TET3: variants seen among roughly 807,000 people sequenced by gnomAD.
TET3 encodes methylcytosine dioxygenase TET3.
A neutral mutation model predicts 141.4 loss-of-function variants in TET3; 19 were observed. That is an observed-to-expected ratio of 0.13 (90% CI 0.09 to 0.20). The LOEUF (loss-of-function observed/expected upper bound fraction) is 0.20. TET3 is among the 10% of genes least tolerant of loss of function. The pLI is 1.00. For missense variants in TET3, 1,874 were observed against 2,356.9 expected, an observed-to-expected ratio of 0.80 and a Z score of 4.24; for synonymous variants, 1,043 against 980.9, an observed-to-expected ratio of 1.06 and a Z score of -1.18.
chr2:74,102,143 G>A lies in TET3; in HGVS notation c.5355G>A (p.Thr1785=), dbSNP rs770304452. The A allele has an allele frequency of 4.1e-6, 6 of 1,470,964 alleles. No homozygotes were observed. Among genetic ancestry groups the A allele is most frequent in the Admixed American group, 5.2e-5 (2 of 38,380 alleles). The allele number at this position is 1,470,964 out of a possible 1,614,324, so 91.1% of individuals were successfully genotyped here. A position where few individuals can be genotyped will look rare whatever the true frequency, so the allele number is the denominator to read the frequency against. The change falls in exon 12 of 12, where the codon ACG becomes ACA. Residue 1785 remains threonine (T), a synonymous_variant. Transcript: ENST00000409262. ...SAVTVSSYAY[T]KVTGPYSRWI is the part of the protein sequence containing the mutation. ...TCACCGTGTCCTCCTATGCCTACAC[G>A]AAGGTCACTGGCCCCTACAGCCGCT...
chr2:74,049,484 G>GTAAGCTCCA (rs1460136841), intron 4 of TET3, among the ~76,000 whole-genome samples: 4 of 152,168 alleles, frequency 2.6e-5, no homozygotes, highest in Non-Finnish European at 4.4e-5. Context: ...GGAGGCAGTA[G>GTAAGCTCCA]TAAGCTCCAG....
the TET3 span, among the ~76,000 whole-genome samples, chr2:74,126,313 G>A: frequency 0.28 from 42,656 of 151,900 alleles, 6,366 homozygotes; most frequent in East Asian, 0.49. Flanking sequence ...TGCTTCTCAC[G>A]TCTGTAGTTC....
intron 2 of TET3, 106 bp from the exon 3 acceptor site, chr2:74,003,004 C>G (rs561616454): frequency 2.5e-6 from 3 of 1,212,452 alleles, no homozygotes; most frequent in Non-Finnish European, 3.6e-6. Context: ...GTATCCCCTC[C>G]CGTTCGCCTT....
intron 10 of TET3, among the ~76,000 whole-genome samples, chr2:74,097,213 A>C (rs1158541843): frequency 6.7e-6 from 1 of 149,916 alleles, no homozygotes; most frequent in Non-Finnish European, 1.5e-5. Context: ...ACACACACAC[A>C]CACACACACA....
chr2:74,047,998 C>G lies in TET3; in HGVS notation c.2081C>G (p.Pro694Arg). 2 of 1,609,236 alleles carry G rather than the reference C, an allele frequency of 1.2e-6. No individual in the cohort carries two copies. The highest frequency in any genetic ancestry group is 8.5e-7 in the Non-Finnish European group (1 of 1,177,592). The change falls in exon 4 of 12, where the codon CCA becomes CGA. Residue 694 changes from proline to arginine, a missense_variant. By Grantham distance (103) the Pro-to-Arg change is moderately radical. Transcript: ENST00000409262. ...CCCAGCCCCATGACAGCCTTGCAGC[C>G]AGGCTCCACTGGCCCTCTTCCCCCT... ...RSPSPMTALQ[P>R]GSTGPLPPAD...
Position 74,087,087 on chromosome 2 carries a change from T to C in TET3, c.2680-743T>C, listed in dbSNP as rs950674985. Among the ~76,000 whole-genome samples, 1 of 152,218 alleles carries C rather than the reference T, an allele frequency of 6.6e-6. No homozygotes were observed. Among genetic ancestry groups the C allele is most frequent in the Admixed American group, 6.5e-5 (1 of 15,278 alleles). On this transcript the variant is annotated intron_variant, in intron 6 of 11. Coordinates refer to ENST00000409262, the MANE Select transcript of TET3 (RefSeq NM_001287491.2). The surrounding 1 kb of genome is among the most constrained non-coding windows in gnomAD (Gnocchi z 4.3). ...ATCATGTACTATGTGTCCTTTTGTG[T>C]CTGGCTTATTTCACATAGCATGTTT... is the stretch of plus-strand genomic sequence containing the variant.
intron 3 of TET3, among the ~76,000 whole-genome samples, chr2:74,034,303 T>G (rs1686911300): frequency 6.6e-6 from 1 of 151,856 alleles, no homozygotes; most frequent in South Asian, 2.1e-4. Flanking sequence ...TTATATATGT[T>G]AAACAGATAA....
At chr2:74,125,874 A>G in the TET3 span, among the ~76,000 whole-genome samples, 1 of 152,124 alleles carries the variant, frequency 6.6e-6, no homozygotes, top group African/African-American at 2.4e-5. Flanking sequence ...GAACTATGCT[A>G]GTTTGTTAAA....
At chr2:74,061,606 C>T (rs577922771) in intron 4 of TET3, among the ~76,000 whole-genome samples, 1 of 147,918 alleles carries the variant, frequency 6.8e-6, no homozygotes, top group South Asian at 2.1e-4. Flanking sequence ...TGACCCCCCC[C>T]ACCTCCCTCC....
At chr2:74,031,787 AG>A (rs1442342343) in intron 3 of TET3, among the ~76,000 whole-genome samples, 1 of 152,218 alleles carries the variant, frequency 6.6e-6, no homozygotes, top group Non-Finnish European at 1.5e-5. Context: ...TAAGTCCTTC[AG>A]AAAGGATTGA....
At chr2:73,991,805 CAAAAAAAAAAAA>C (rs772400180) in intron 2 of TET3, among the ~76,000 whole-genome samples, 7 of 79,606 alleles carry the variant, frequency 8.8e-5, no homozygotes, top group Admixed American at 3.0e-4. Flanking sequence ...AACTCTGTCT[CAAAAAAAAAAAA>C]AAAAAAAAAA....
Position 74,106,475 on chromosome 2 carries a change from A to G in TET3, c.*4299A>G, listed in dbSNP as rs1055157145. ...CTCTGGGAGTCCCAAGGGCACACCAAGGGAGACCAGATGGATCTCCTTCCT... is the reference window on the plus strand; with the variant it reads ...CTCTGGGAGTCCCAAGGGCACACCAGGGGAGACCAGATGGATCTCCTTCCT... On this transcript the variant is annotated 3_prime_UTR_variant, in exon 12 of 12. Coordinates refer to ENST00000409262, the MANE Select transcript of TET3 (RefSeq NM_001287491.2). The G allele has an allele frequency of 6.5e-6, 1 of 153,758 alleles. No individual in the cohort carries two copies. Among genetic ancestry groups the G allele is most frequent in the South Asian group, 2.1e-4 (1 of 4,830 alleles). 9.5% of individuals were successfully genotyped at this position (153,758 alleles called of 1,614,324 possible). A position where few individuals can be genotyped will look rare whatever the true frequency, so the allele number is the denominator to read the frequency against.
At chr2:73,984,106 A>G (rs1480280692), upstream of TET3, among the ~76,000 whole-genome samples, 2 of 152,234 alleles carry the variant, frequency 1.3e-5, no homozygotes, top group Admixed American at 6.5e-5. The surrounding 1 kb of genome is among the most constrained non-coding windows in gnomAD (Gnocchi z 5.6). Context: ...TTTAGGGCTT[A>G]GTCGCCCCAC....
chr2:74,112,239 A>G (rs1441143865), downstream of TET3, among the ~76,000 whole-genome samples: 1 of 147,316 alleles, frequency 6.8e-6, no homozygotes, highest in East Asian at 1.9e-4. Flanking sequence ...ACTGCAGGCC[A>G]TTTGGTGTCT....
chr2:74,113,661 A>G, the TET3 span, among the ~76,000 whole-genome samples: 1 of 152,184 alleles, frequency 6.6e-6, no homozygotes, highest in Non-Finnish European at 1.5e-5. Flanking sequence ...CAACAAACTT[A>G]GCTGAAAAAG....
the TET3 span, among the ~76,000 whole-genome samples, chr2:74,126,773 G>C: frequency 2.0e-5 from 3 of 152,134 alleles, no homozygotes; most frequent in African/African-American, 7.2e-5. Context: ...AAAGTGCTGG[G>C]ATTACAGGCG....
At chr2:74,080,207 G>A (rs774856305) in intron 5 of TET3, among the ~76,000 whole-genome samples, 10 of 152,344 alleles carry the variant, frequency 6.6e-5, no homozygotes, top group African/African-American at 2.4e-4. Flanking sequence ...TCTGGAGTTC[G>A]GAGGTAACGA....
chr2:74,125,912 C>T, the TET3 span, among the ~76,000 whole-genome samples: 1 of 152,206 alleles, frequency 6.6e-6, no homozygotes, highest in South Asian at 2.1e-4. Flanking sequence ...TAGAGAAAAT[C>T]ACAAACAAAA....
chr2:74,095,273 G>C (rs1690756046), intron 10 of TET3, among the ~76,000 whole-genome samples: 1 of 152,174 alleles, frequency 6.6e-6, no homozygotes, highest in African/African-American at 2.4e-5. Flanking sequence ...GGCAGCTCCT[G>C]CTGGCACTCT....
Sources: gnomAD v4.1 joint callset for allele counts (sites outside exome capture counted in the v4.1 genomes callset) on GRCh38, gnomAD v4.1.1 for gene constraint, Gnocchi (gnomAD v3.1) non-coding constraint, MANE v1.5 for transcripts, NCBI Gene and HGNC (gene_info 2026-07-23, HGNC 2026-07-21) for gene names.